POU2F2: variants seen among roughly 807,000 people sequenced by gnomAD.
POU2F2 encodes the protein POU domain, class 2, transcription factor 2.
In POU2F2, 14 loss-of-function variants were observed where a neutral mutation model predicts 63.5. That is an observed-to-expected ratio of 0.22 (90% CI 0.15 to 0.34). The LOEUF is 0.34. Among genes scored for constraint, POU2F2 ranks in the 10% least tolerant of loss-of-function variants. The probability of loss-of-function intolerance (pLI) is 1.00; values close to 1 mark genes in which losing one functional copy is unlikely to be tolerated. For missense variants in POU2F2, 607 were observed against 815.2 expected (o/e 0.74, Z 3.11); for synonymous variants, 306 against 348.6 (o/e 0.88, Z 1.36).
At chr19:42,116,083 T>A (rs924395448) in intron 5 of POU2F2, among the ~76,000 whole-genome samples, 1 of 152,174 alleles carries the variant, frequency 6.6e-6, no homozygotes, top group African/African-American at 2.4e-5. Flanking sequence ...TACCTTGAGT[T>A]TGGACTTGTG....
chr19:42,167,003 T>G (rs2034665614), intron 1 of POU2F2, among the ~76,000 whole-genome samples: 1 of 152,210 alleles, frequency 6.6e-6, no homozygotes, highest in Non-Finnish European at 1.5e-5. Flanking sequence ...CTTATCGTGT[T>G]CTGGGCACTG....
rs75073466 is a variant in POU2F2 at position 42,156,652 on chromosome 19, A to C, written c.-9+3680T>G. 1 of 152,218 alleles carries C rather than the reference A, an allele frequency of 6.6e-6. No individual in the cohort carries two copies. The highest frequency in any genetic ancestry group is 6.5e-5 in the Admixed American group (1 of 15,278). The allele number at this position is 152,218 out of a possible 1,614,324, so 9.4% of individuals were successfully genotyped here. ...AGGGGTGTAATTCAGAAGGAGGCAGACTGGGCCTGGGGCATGTGGACAAGT... is the reference window on the plus strand; with the variant it reads ...AGGGGTGTAATTCAGAAGGAGGCAGCCTGGGCCTGGGGCATGTGGACAAGT... On this transcript the variant is annotated intron_variant, in intron 2 of 6. Coordinates refer to the POU2F2 transcript ENST00000524801. This position sits in a 1 kb window ranked among gnomAD's most constrained non-coding sequence, Gnocchi z 4.1.
intron 1 of POU2F2, among the ~76,000 whole-genome samples, chr19:42,163,494 C>T (rs930299936): frequency 2.6e-5 from 4 of 152,014 alleles, no homozygotes; most frequent in East Asian, 1.9e-4. Flanking sequence ...GGACATAGGC[C>T]GGCATCACGC....
intron 1 of POU2F2, among the ~76,000 whole-genome samples, chr19:42,131,683 C>G (rs376158449): frequency 6.6e-6 from 1 of 152,178 alleles, no homozygotes. Context: ...AATAAGCACA[C>G]AAACAAACAC....
At chr19:42,181,231 T>A (rs1281693629) in intron 1 of POU2F2, among the ~76,000 whole-genome samples, 3 of 152,252 alleles carry the variant, frequency 2.0e-5, no homozygotes, top group African/African-American at 7.2e-5. Context: ...ATGCAGCACA[T>A]GTATACACAC....
chr19:42,117,052 G>A lies in POU2F2; in HGVS notation c.369+198C>T. 1.0e-5 allele frequency: 7 copies of A among 668,102 alleles called. No homozygotes were observed. The highest frequency in any genetic ancestry group is 3.2e-4 in the Middle Eastern group (1 of 3,174). 41.4% of individuals were successfully genotyped at this position (668,102 alleles called of 1,614,324 possible). A position where few individuals can be genotyped will look rare whatever the true frequency, so the allele number is the denominator to read the frequency against. On this transcript the variant is annotated intron_variant, in intron 5 of 14. Coordinates refer to ENST00000692977, the MANE Select transcript of POU2F2 (RefSeq NM_001394376.1). This position sits in a 1 kb window ranked among gnomAD's most constrained non-coding sequence, Gnocchi z 4.4. ...AGGAATTGGAGCAAGGGGTTGAAGA[G>A]GAGCAGAGAAGGCAGAGAGGGGTTA...
intron 1 of POU2F2, among the ~76,000 whole-genome samples, chr19:42,182,503 G>A (rs2034973555): frequency 6.6e-6 from 1 of 152,066 alleles, no homozygotes; most frequent in Admixed American, 6.6e-5. Context: ...AAGGAGATGG[G>A]AGAAGGAGAT....
chr19:42,191,807 G>A (rs1198678275), intron 1 of POU2F2, among the ~76,000 whole-genome samples: 1 of 152,200 alleles, frequency 6.6e-6, no homozygotes, highest in Non-Finnish European at 1.5e-5. Flanking sequence ...TTTGAACTGG[G>A]TTGTGGTTAA....
chr19:42,125,301 A>G (rs1041822554), intron 1 of POU2F2, among the ~76,000 whole-genome samples: 2 of 150,380 alleles, frequency 1.3e-5, no homozygotes, highest in African/African-American at 4.9e-5. Flanking sequence ...GATTGAGGCT[A>G]CAGTGAGCCG....
intron 5 of POU2F2, among the ~76,000 whole-genome samples, chr19:42,109,470 G>A (rs538293261): frequency 5.4e-4 from 82 of 152,254 alleles, no homozygotes; most frequent in African/African-American, 1.6e-3. Flanking sequence ...AAACTATATC[G>A]TGATAGATTG....
rs948283094 is a variant in POU2F2 at position 42,100,085 on chromosome 19, CTTTTTTTTTTTTTTTT to C, written c.370-280_370-265del. Among the ~76,000 whole-genome samples, 16 of 77,080 alleles carry C rather than the reference CTTTTTTTTTTTTTTTT, an allele frequency of 2.1e-4. 1 individual carries two copies. In the East Asian group the frequency reaches 3.2e-3, roughly 15 times the overall value. 50.6% of individuals were successfully genotyped at this position (77,080 alleles called of 152,430 possible). ...CTCACTCTTTATTTACCCTTTCTTT[CTTTTTTTTTTTTTTTT>C]TTTTTTTTTTTTTTGAGTCTCGCTC... On this transcript the variant is annotated intron_variant, in intron 5 of 14. Transcript: ENST00000692977.
intron 2 of POU2F2, among the ~76,000 whole-genome samples, chr19:42,159,242 T>C (rs2146784310): frequency 6.6e-6 from 1 of 152,242 alleles, no homozygotes; most frequent in Non-Finnish European, 1.5e-5. Context: ...TCAGAAACCC[T>C]GGCAAGTCAG....
At chr19:42,154,043 C>T (rs1440270682) in intron 2 of POU2F2, among the ~76,000 whole-genome samples, 1 of 151,790 alleles carries the variant, frequency 6.6e-6, no homozygotes, top group African/African-American at 2.4e-5. Context: ...GTGGATGCCA[C>T]CTCAACTCCA....
chr19:42,124,460 A>C (rs536056554), intron 1 of POU2F2, among the ~76,000 whole-genome samples: 1 of 152,134 alleles, frequency 6.6e-6, no homozygotes, highest in Admixed American at 6.5e-5. Context: ...ATTCCTAATT[A>C]AAAAAACAGG....
intron 1 of POU2F2, among the ~76,000 whole-genome samples, chr19:42,129,814 G>T (rs1291997476): frequency 1.3e-5 from 2 of 152,208 alleles, no homozygotes; most frequent in Non-Finnish European, 2.9e-5. Flanking sequence ...AGGAGGGAGG[G>T]ATGGAGATAC....
At chr19:42,182,218 C>T (rs1293550392) in intron 1 of POU2F2, among the ~76,000 whole-genome samples, 5 of 134,664 alleles carry the variant, frequency 3.7e-5, no homozygotes, top group African/African-American at 5.6e-5. Context: ...CTGCCCTGGG[C>T]GATAGAGCAA....
chr19:42,151,991 G>A (rs1222360877), intron 2 of POU2F2, among the ~76,000 whole-genome samples: 1 of 152,200 alleles, frequency 6.6e-6, no homozygotes, highest in Non-Finnish European at 1.5e-5. Flanking sequence ...CTGAGTACCT[G>A]GCTAGCGGTG....
At chr19:42,134,835 C>T (rs1247860672), upstream of POU2F2, among the ~76,000 whole-genome samples, 1 of 152,078 alleles carries the variant, frequency 6.6e-6, no homozygotes, top group Non-Finnish European at 1.5e-5. Context: ...CTCGCCGGAT[C>T]GATACGTTTG....
intron 1 of POU2F2, among the ~76,000 whole-genome samples, chr19:42,174,216 G>A (rs554780362): frequency 1.1e-4 from 16 of 152,138 alleles, no homozygotes; most frequent in African/African-American, 3.9e-4. Flanking sequence ...CAGAGACCCC[G>A]AGCAATAACA....
Sources: gnomAD v4.1 joint callset for allele counts (sites outside exome capture counted in the v4.1 genomes callset) on GRCh38, gnomAD v4.1.1 for gene constraint, Gnocchi (gnomAD v3.1) non-coding constraint, MANE v1.5 for transcripts, NCBI Gene and HGNC (gene_info 2026-07-23, HGNC 2026-07-21) for gene names.